PDE10A: variants seen among roughly 807,000 people sequenced by gnomAD.
PDE10A encodes cAMP and cAMP-inhibited cGMP 3',5'-cyclic phosphodiesterase 10A.
In PDE10A, 39 loss-of-function variants were observed where a neutral mutation model predicts 97.7. The observed-to-expected ratio is 0.40, with a 90% confidence interval of 0.31 to 0.52. PDE10A has a LOEUF of 0.52. Ranked by LOEUF, PDE10A falls within the 20% of genes least tolerant of loss-of-function variation. PDE10A has a pLI of 0.56. For missense variants in PDE10A, 731 were observed against 1,047.8 expected, an observed-to-expected ratio of 0.70 and a Z score of 4.17; for synonymous variants, 371 against 376.8, an observed-to-expected ratio of 0.98 and a Z score of 0.18.
At chr6:165,782,634 CT>C (rs1456748135) in intron 1 of PDE10A, among the ~76,000 whole-genome samples, 1 of 152,248 alleles carries the variant, frequency 6.6e-6, no homozygotes, top group Non-Finnish European at 1.5e-5. Context: ...TTAACACAAT[CT>C]GTCGTATTTC....
intron 1 of PDE10A, among the ~76,000 whole-genome samples, chr6:165,676,956 C>T (rs1291452944): frequency 6.6e-5 from 10 of 152,156 alleles, no homozygotes; most frequent in Non-Finnish European, 1.5e-4. Flanking sequence ...CACTCATTCC[C>T]GAGAAATGAA....
chr6:165,720,288 A>G (rs921991543), intron 1 of PDE10A, among the ~76,000 whole-genome samples: 1 of 152,034 alleles, frequency 6.6e-6, no homozygotes, highest in African/African-American at 2.4e-5. Flanking sequence ...TTTGAGGTTT[A>G]TCTATACTTT....
At chr6:165,947,913 A>G (rs564368891) in intron 1 of PDE10A, among the ~76,000 whole-genome samples, 1 of 152,250 alleles carries the variant, frequency 6.6e-6, no homozygotes, top group Admixed American at 6.5e-5. Flanking sequence ...AGCGTTAGGT[A>G]ATGTCCTATC....
At chr6:165,471,385 T>C (rs1457363483) in intron 3 of PDE10A, among the ~76,000 whole-genome samples, 7 of 152,100 alleles carry the variant, frequency 4.6e-5, no homozygotes, top group Non-Finnish European at 2.9e-5. Flanking sequence ...ATGTGGATGG[T>C]TCTTAAATCA....
At chr6:165,804,403 G>GAATGC (rs1554325153) in intron 1 of PDE10A, among the ~76,000 whole-genome samples, 1 of 152,110 alleles carries the variant, frequency 6.6e-6, no homozygotes, top group African/African-American at 2.4e-5. Context: ...CGTTTGCTTC[G>GAATGC]TTTGTTTTGT....
intron 13 of PDE10A, among the ~76,000 whole-genome samples, chr6:165,404,999 G>A (rs987191293): frequency 6.6e-6 from 1 of 152,120 alleles, no homozygotes; most frequent in African/African-American, 2.4e-5. Context: ...TGGCACCATA[G>A]AGAGTTCTTT....
chr6:165,771,215 A>G (rs191323773), intron 1 of PDE10A, among the ~76,000 whole-genome samples: 73 of 152,338 alleles, frequency 4.8e-4, no homozygotes, highest in South Asian at 1.0e-3. Context: ...ATGGAATTAT[A>G]TAGTTTTTTA....
intron 1 of PDE10A, among the ~76,000 whole-genome samples, chr6:165,672,646 C>T (rs1790678944): frequency 6.6e-6 from 1 of 152,152 alleles, no homozygotes; most frequent in South Asian, 2.1e-4. Flanking sequence ...GGGGAAACCC[C>T]TTTGCTTGGC....
At chr6:165,870,774 TA>T (rs543320952) in intron 1 of PDE10A, among the ~76,000 whole-genome samples, 1 of 152,064 alleles carries the variant, frequency 6.6e-6, no homozygotes, top group Non-Finnish European at 1.5e-5. Context: ...TATTCAGCCA[TA>T]AAAAAACAAA....
At chr6:165,620,818 C>G (rs1788090987) in intron 1 of PDE10A, among the ~76,000 whole-genome samples, 1 of 151,950 alleles carries the variant, frequency 6.6e-6, no homozygotes, top group South Asian at 2.1e-4. Context: ...GTCAGGAGAT[C>G]AAGACCATCC....
intron 1 of PDE10A, among the ~76,000 whole-genome samples, chr6:165,700,490 T>C (rs928122273): frequency 6.6e-6 from 1 of 152,222 alleles, no homozygotes; most frequent in Non-Finnish European, 1.5e-5. Context: ...AATAAATCTT[T>C]TTTTCAAAAA....
At chr6:165,369,944 A>G (rs1408088394) in intron 18 of PDE10A, among the ~76,000 whole-genome samples, 1 of 152,020 alleles carries the variant, frequency 6.6e-6, no homozygotes, top group African/African-American at 2.4e-5. Flanking sequence ...AAAAGAAAAG[A>G]ATTTTCAACC....
intron 1 of PDE10A, among the ~76,000 whole-genome samples, chr6:165,573,180 C>T (rs186050556): frequency 2.1e-3 from 318 of 152,008 alleles, no homozygotes; most frequent in Non-Finnish European, 2.4e-3. Context: ...CATAAGGAGC[C>T]ATTAAAATAG....
chr6:165,561,657 A>G (rs952132772), intron 1 of PDE10A, among the ~76,000 whole-genome samples: 4 of 152,228 alleles, frequency 2.6e-5, no homozygotes, highest in Non-Finnish European at 5.9e-5. Flanking sequence ...GAAATAACCA[A>G]TAACCAGTTA....
intron 1 of PDE10A, among the ~76,000 whole-genome samples, chr6:165,582,005 A>T (rs542931724): frequency 2.0e-4 from 31 of 152,318 alleles, no homozygotes; most frequent in South Asian, 1.2e-3. Context: ...CTATTTTTGA[A>T]CACTAACAAC....
intron 13 of PDE10A, among the ~76,000 whole-genome samples, chr6:165,407,521 G>A (rs909363357): frequency 1.3e-5 from 2 of 152,168 alleles, no homozygotes; most frequent in African/African-American, 4.8e-5. Flanking sequence ...AATAAGAGTT[G>A]TTCTTATCAT....
chr6:165,535,663 T>C (rs1468587513), intron 2 of PDE10A, among the ~76,000 whole-genome samples: 1 of 151,758 alleles, frequency 6.6e-6, no homozygotes, highest in African/African-American at 2.4e-5. Context: ...GATAAGCACT[T>C]AGATTGGTTC....
intron 5 of PDE10A, among the ~76,000 whole-genome samples, chr6:165,442,987 C>T (rs1451151689): frequency 6.6e-6 from 1 of 151,760 alleles, no homozygotes; most frequent in Non-Finnish European, 1.5e-5. Flanking sequence ...TGATATGTAC[C>T]TGTAGTCCCA....
chr6:165,656,000 G>A lies in PDE10A; in HGVS notation c.865+5947C>T, dbSNP rs1224171989. Reference sequence around the variant, plus strand: ...GAGAGACCTGCACAGAACAAGGCAAGGAGCCACACAGCTGCACAGGCCACT... The same window carrying A: ...GAGAGACCTGCACAGAACAAGGCAAAGAGCCACACAGCTGCACAGGCCACT... On this transcript the variant is annotated intron_variant, in intron 1 of 21. Transcript: ENST00000539869. The surrounding 1 kb of genome is among the most constrained non-coding windows in gnomAD (Gnocchi z 4.5). 6.6e-6 allele frequency among the ~76,000 whole-genome samples: 1 copy of A among 152,106 alleles called. No homozygotes were observed. Among genetic ancestry groups the A allele is most frequent in the Non-Finnish European group, 1.5e-5 (1 of 68,036 alleles).
Sources: allele counts gnomAD v4.1 joint callset (sites outside exome capture counted in the v4.1 genomes callset), GRCh38; gene constraint gnomAD v4.1.1; non-coding constraint Gnocchi (gnomAD v3.1); transcripts MANE v1.5; gene names NCBI Gene and HGNC (gene_info 2026-07-23, HGNC 2026-07-21).